The following BTBD7 variants were observed in gnomAD, a reference collection of about 807,000 sequenced individuals.
The protein encoded by BTBD7 is BTB/POZ domain-containing protein 7.
In BTBD7, 38 loss-of-function variants were observed where a neutral mutation model predicts 99.9. That is an observed-to-expected ratio of 0.38 (90% CI 0.29 to 0.50). The LOEUF (loss-of-function observed/expected upper bound fraction) is 0.50, where lower values mean the gene tolerates loss of function less well. BTBD7 is among the 20% of genes least tolerant of loss of function. The probability of loss-of-function intolerance (pLI) is 0.93; values close to 1 mark genes in which losing one functional copy is unlikely to be tolerated. For missense variants in BTBD7, 1,170 were observed against 1,394.6 expected (o/e 0.84, Z 2.57); for synonymous variants, 520 against 511.4 (o/e 1.02, Z -0.23).
intron 3 of BTBD7, among the ~76,000 whole-genome samples, chr14:93,286,572 C>T (rs111248532): frequency 1.3e-5 from 2 of 152,174 alleles, no homozygotes; most frequent in African/African-American, 4.8e-5. Flanking sequence ...CTATAGTTTT[C>T]TGTTTTGTTC....
chr14:93,279,105 C>T (rs1036157963), intron 3 of BTBD7, among the ~76,000 whole-genome samples: 1 of 152,156 alleles, frequency 6.6e-6, no homozygotes, highest in African/African-American at 2.4e-5. Flanking sequence ...ACATTTCTTA[C>T]GGTCTTCACA....
At chr14:93,253,463 CTTAA>C (rs766528176) in intron 7 of BTBD7, among the ~76,000 whole-genome samples, 180 bp downstream of exon 7, 2 of 152,144 alleles carry the variant, frequency 1.3e-5, no homozygotes, top group South Asian at 4.1e-4. Flanking sequence ...TAAAAACATG[CTTAA>C]TTAAAATTAA....
intron 3 of BTBD7, among the ~76,000 whole-genome samples, chr14:93,290,999 T>G (rs961056604): frequency 1.0e-4 from 15 of 144,488 alleles, no homozygotes; most frequent in Non-Finnish European, 2.0e-4. Context: ...TTTTTTTTTT[T>G]TTTTTTTTTT....
intron 3 of BTBD7, among the ~76,000 whole-genome samples, chr14:93,281,608 T>TA (rs1171986885): frequency 3.3e-5 from 5 of 152,228 alleles, no homozygotes; most frequent in African/African-American, 1.2e-4. Context: ...TATACTGACA[T>TA]AAACATTTTC....
At chr14:93,281,539 T>C (rs2052720220) in intron 3 of BTBD7, among the ~76,000 whole-genome samples, 1 of 152,250 alleles carries the variant, frequency 6.6e-6, no homozygotes, top group Non-Finnish European at 1.5e-5. Context: ...CCCAACCTAT[T>C]ACTTGTATTT....
At position 93,263,895 on chromosome 14, in the gene BTBD7, G is replaced by C; in HGVS notation, c.1261C>G (p.Gln421Glu). The part of the protein sequence containing the change: ...HPYGSKWVHR[Q>E]ALHFLCEEFS... ...TCCTCACAGAGGAAATGTAAAGCTT[G>C]TCGGTGCACCCATTTAGAGCCATAT... Residue 421 changes from glutamine to glutamate, a missense_variant, in exon 4 of 11, where the codon CAA (glutamine) becomes GAA (glutamate). Transcript: ENST00000334746. 2 of 1,614,180 alleles carry C rather than the reference G, an allele frequency of 1.2e-6. No individual in the cohort carries two copies. Among genetic ancestry groups the C allele is most frequent in the Non-Finnish European group, 1.7e-6 (2 of 1,180,030 alleles).
At chr14:93,303,932 A>G (rs2053036811) in intron 1 of BTBD7, among the ~76,000 whole-genome samples, 1 of 152,228 alleles carries the variant, frequency 6.6e-6, no homozygotes, top group Admixed American at 6.5e-5. Context: ...TGATGCCTAC[A>G]GCAGCCAGTG....
chr14:93,323,759 G>C (rs866721547), intron 1 of BTBD7, among the ~76,000 whole-genome samples: 2 of 152,126 alleles, frequency 1.3e-5, no homozygotes, highest in Non-Finnish European at 2.9e-5. Context: ...GATCTCACTG[G>C]TTTTTCCATT....
At chr14:93,315,896 T>C (rs1422320197) in intron 1 of BTBD7, among the ~76,000 whole-genome samples, 8 of 152,162 alleles carry the variant, frequency 5.3e-5, no homozygotes, top group Non-Finnish European at 8.8e-5. Flanking sequence ...TTGTACAAGT[T>C]GTGTAGACAT....
chr14:93,239,839 G>C lies in BTBD7; in HGVS notation c.*2434C>G, dbSNP rs1296084249. On this transcript the variant is annotated 3_prime_UTR_variant, in exon 11 of 11. Coordinates refer to ENST00000334746, the MANE Select transcript of BTBD7 (RefSeq NM_001002860.4). ...ATAGTTCATGAATTTTCAGAAAAAT[G>C]AATGTGTGGGATCAACAGCTCTGGT... is the stretch of plus-strand genomic sequence containing the variant. 2.6e-5 allele frequency: 4 copies of C among 152,438 alleles called. No homozygotes were observed. The highest frequency in any genetic ancestry group is 9.7e-5 in the African/African-American group (4 of 41,414). 9.4% of individuals were successfully genotyped at this position (152,438 alleles called of 1,614,324 possible).
At chr14:93,296,341 A>C (rs2139773200) in intron 1 of BTBD7, among the ~76,000 whole-genome samples, 184 bp from the exon 2 acceptor site, 1 of 152,328 alleles carries the variant, frequency 6.6e-6, no homozygotes, top group South Asian at 2.1e-4. Context: ...CTGCAATTTG[A>C]GCCATAAAAT....
intron 1 of BTBD7, among the ~76,000 whole-genome samples, chr14:93,306,822 A>G (rs944518538): frequency 2.0e-5 from 3 of 152,206 alleles, no homozygotes; most frequent in South Asian, 4.1e-4. Context: ...ACTGTCATAT[A>G]TATCAGTAAG....
chr14:93,322,682 G>C (rs1304312927), intron 1 of BTBD7, among the ~76,000 whole-genome samples: 1 of 152,188 alleles, frequency 6.6e-6, no homozygotes, highest in African/African-American at 2.4e-5. Context: ...CTGGGCTTTA[G>C]TAAAGTAAAA....
intron 1 of BTBD7, among the ~76,000 whole-genome samples, chr14:93,298,202 ACT>A (rs2052953013): frequency 6.6e-6 from 1 of 152,104 alleles, no homozygotes; most frequent in Non-Finnish European, 1.5e-5. Context: ...AGAATTTACT[ACT>A]CTTACTTTAA....
At chr14:93,268,929 T>G (rs2052572455) in intron 3 of BTBD7, among the ~76,000 whole-genome samples, 1 of 152,080 alleles carries the variant, frequency 6.6e-6, no homozygotes, top group African/African-American at 2.4e-5. Context: ...CGGCTAATTT[T>G]TTATATTTTA....
intron 3 of BTBD7, among the ~76,000 whole-genome samples, chr14:93,289,488 C>T (rs1314408551): frequency 6.6e-6 from 1 of 152,204 alleles, no homozygotes; most frequent in African/African-American, 2.4e-5. Context: ...GCCCCCTTTA[C>T]AGCATCTAAT....
At chr14:93,326,540 G>C (rs144855316) in intron 1 of BTBD7, among the ~76,000 whole-genome samples, 4 of 152,110 alleles carry the variant, frequency 2.6e-5, no homozygotes, top group Non-Finnish European at 4.4e-5. Context: ...GGTAGCTCAC[G>C]CCTATAATCC....
At position 93,276,638 on chromosome 14, in the gene BTBD7, C is replaced by T. The variant is rs188794351; in HGVS notation, c.1163-12645G>A. On this transcript the variant is annotated intron_variant, in intron 3 of 10. Coordinates refer to ENST00000334746, the MANE Select transcript of BTBD7 (RefSeq NM_001002860.4). Reference sequence around the variant, plus strand: ...ATGAGAAGGCTATCTACCTGGAGAACATTAATCCCTTCTAATGGGAAAGAG... The same window carrying T: ...ATGAGAAGGCTATCTACCTGGAGAATATTAATCCCTTCTAATGGGAAAGAG... 4.5e-4 allele frequency among the ~76,000 whole-genome samples: 68 copies of T among 152,252 alleles called. 1 individual carries two copies. The highest frequency in any genetic ancestry group is 1.5e-3 in the African/African-American group (63 of 41,548).
intron 3 of BTBD7, among the ~76,000 whole-genome samples, chr14:93,265,124 A>G (rs1223762090): frequency 6.6e-6 from 1 of 152,122 alleles, no homozygotes; most frequent in Non-Finnish European, 1.5e-5. Flanking sequence ...TAAAATAAAC[A>G]CTACCAAACT....
Sources: allele counts gnomAD v4.1 joint callset (sites outside exome capture counted in the v4.1 genomes callset), GRCh38; gene constraint gnomAD v4.1.1; transcripts MANE v1.5; gene names NCBI Gene and HGNC (gene_info 2026-07-23, HGNC 2026-07-21).